Variants in ZFPM2 observed in about 807,000 individuals in gnomAD.
ZFPM2 encodes the protein zinc finger protein, FOG family member 2.
In ZFPM2, 20 loss-of-function variants were observed where a neutral mutation model predicts 98.6. The ratio of observed to expected loss-of-function variants is 0.20; its 90% CI spans 0.14 to 0.29. ZFPM2 has a LOEUF of 0.29. Among genes scored for constraint, ZFPM2 ranks in the 10% least tolerant of loss-of-function variants. ZFPM2 has a pLI of 1.00. For synonymous variants in ZFPM2, 518 were observed against 502.7 expected, an observed-to-expected ratio of 1.03 and a Z score of -0.41; for missense variants, 1,310 against 1,388.6, an observed-to-expected ratio of 0.94 and a Z score of 0.90.
chr8:105,427,870 C>G (rs1811945789), intron 2 of ZFPM2, among the ~76,000 whole-genome samples: 3 of 152,118 alleles, frequency 2.0e-5, no homozygotes, highest in Non-Finnish European at 2.9e-5. Context: ...GTGCCAGTTA[C>G]AATAATTTTA....
chr8:105,545,038 T>A (rs1237919989), intron 3 of ZFPM2, among the ~76,000 whole-genome samples: 1 of 152,176 alleles, frequency 6.6e-6, no homozygotes, highest in Non-Finnish European at 1.5e-5. Context: ...TATTTAGGTT[T>A]AACATCCTTG....
chr8:105,475,029 T>C (rs1443732523), intron 3 of ZFPM2, among the ~76,000 whole-genome samples: 1 of 152,208 alleles, frequency 6.6e-6, no homozygotes, highest in Admixed American at 6.5e-5. Context: ...GTGGATTTAA[T>C]ACAAAGTTCC....
chr8:105,514,293 G>A (rs1586428490), intron 3 of ZFPM2, among the ~76,000 whole-genome samples: 3 of 145,186 alleles, frequency 2.1e-5, no homozygotes, highest in Middle Eastern at 7.6e-3. Flanking sequence ...GTGAGCCACC[G>A]TTCCTGGTCG....
At chr8:105,535,059 A>G (rs1353435999) in intron 3 of ZFPM2, among the ~76,000 whole-genome samples, 3 of 152,178 alleles carry the variant, frequency 2.0e-5, no homozygotes, top group Non-Finnish European at 4.4e-5. Flanking sequence ...ATGTTCAAAT[A>G]AGGTCCTGAA....
intron 5 of ZFPM2, among the ~76,000 whole-genome samples, chr8:105,722,134 C>T (rs533557220): frequency 1.3e-5 from 2 of 151,696 alleles, no homozygotes; most frequent in South Asian, 4.1e-4. Context: ...TAATGGACAG[C>T]TTTGGTCCAG....
chr8:105,635,685 CA>C (rs1028548150), intron 5 of ZFPM2, among the ~76,000 whole-genome samples: 1 of 152,130 alleles, frequency 6.6e-6, no homozygotes, highest in Non-Finnish European at 1.5e-5. Context: ...ATTCAGAATA[CA>C]AAAGATACCT....
rs560477214 is a variant in ZFPM2 at position 105,411,151 on chromosome 8, A to G, written c.41-7993A>G. 1.1e-4 allele frequency among the ~76,000 whole-genome samples: 16 copies of G among 152,018 alleles called. No homozygotes were observed. The South Asian group carries it at 2.9e-3, about 28-fold the overall frequency. The stretch of plus-strand genomic sequence containing the variant: ...TCCAACTTTATTATAATTAACTTCA[A>G]TTGAAAAATCCTTATTTTGGTAAAT... On this transcript the variant is annotated intron_variant, in intron 1 of 7. Coordinates refer to ENST00000407775, the MANE Select transcript of ZFPM2 (RefSeq NM_012082.4).
At chr8:105,743,331 T>C (rs1225899378) in intron 5 of ZFPM2, among the ~76,000 whole-genome samples, 2 of 151,874 alleles carry the variant, frequency 1.3e-5, no homozygotes, top group African/African-American at 2.4e-5. Flanking sequence ...GATCAGACCA[T>C]GGGGGTGAGG....
At chr8:105,663,949 C>T (rs895057515) in intron 5 of ZFPM2, among the ~76,000 whole-genome samples, 2 of 152,120 alleles carry the variant, frequency 1.3e-5, no homozygotes, top group Non-Finnish European at 2.9e-5. Flanking sequence ...TTGAAATTTC[C>T]GATACGTGTC....
At chr8:105,617,836 C>T (rs899149344) in intron 4 of ZFPM2, among the ~76,000 whole-genome samples, 3 of 152,178 alleles carry the variant, frequency 2.0e-5, no homozygotes, top group East Asian at 3.9e-4. Context: ...ATGTTATAAT[C>T]ATCTCTACAG....
At position 105,460,348 on chromosome 8, in the gene ZFPM2, T is replaced by G. The variant is rs76791447; in HGVS notation, c.301+15967T>G. Among the ~76,000 whole-genome samples the G allele has an allele frequency of 6.9e-3, 1,052 of 152,262 alleles. 10 individuals carry two copies. The highest frequency in any genetic ancestry group is 0.022 in the African/African-American group (924 of 41,562). ...TGCTTGAGGCAAAATTGGGGAAGTTTACCCGAAGCTGACAAATGAGGGAAG... is the reference window on the plus strand; with the variant it reads ...TGCTTGAGGCAAAATTGGGGAAGTTGACCCGAAGCTGACAAATGAGGGAAG... On this transcript the variant is annotated intron_variant, in intron 3 of 7. Transcript: ENST00000407775.
At chr8:105,439,729 A>T (rs1812197970) in intron 2 of ZFPM2, among the ~76,000 whole-genome samples, 1 of 152,190 alleles carries the variant, frequency 6.6e-6, no homozygotes, top group African/African-American at 2.4e-5. Context: ...GTGTTTCAAG[A>T]TTCATAAGGA....
intron 1 of ZFPM2, among the ~76,000 whole-genome samples, chr8:105,370,018 A>G (rs1417230959): frequency 1.3e-5 from 2 of 152,158 alleles, no homozygotes; most frequent in Admixed American, 6.6e-5. Context: ...TGGAGGAATA[A>G]TTTATAGTAA....
intron 1 of ZFPM2, among the ~76,000 whole-genome samples, chr8:105,336,989 A>T (rs1812339056): frequency 6.6e-6 from 1 of 151,854 alleles, no homozygotes; most frequent in Non-Finnish European, 1.5e-5. Flanking sequence ...GAGTTAATAC[A>T]TAAAATTCCT....
intron 3 of ZFPM2, among the ~76,000 whole-genome samples, chr8:105,552,938 T>C (rs1042576657): frequency 1.3e-5 from 2 of 151,282 alleles, no homozygotes; most frequent in African/African-American, 4.9e-5. Flanking sequence ...GCCTCCTGAG[T>C]AGCTGGGACT....
chr8:105,522,600 T>A (rs1417786790), intron 3 of ZFPM2, among the ~76,000 whole-genome samples: 1 of 152,082 alleles, frequency 6.6e-6, no homozygotes, highest in African/African-American at 2.4e-5. Flanking sequence ...TGAAACCCTG[T>A]CTCTACTAAA....
chr8:105,350,423 A>C (rs1038663243), intron 1 of ZFPM2, among the ~76,000 whole-genome samples: 1 of 152,224 alleles, frequency 6.6e-6, no homozygotes, highest in African/African-American at 2.4e-5. Flanking sequence ...AAGGTTATGA[A>C]ATACTTGATT....
At chr8:105,767,336 T>G (rs1812876843) in intron 5 of ZFPM2, among the ~76,000 whole-genome samples, 1 of 151,850 alleles carries the variant, frequency 6.6e-6, no homozygotes, top group South Asian at 2.1e-4. Flanking sequence ...GAGAATGCCA[T>G]TGTAGAATTT....
chr8:105,406,642 T>C (rs1378297619), intron 1 of ZFPM2, among the ~76,000 whole-genome samples: 1 of 151,978 alleles, frequency 6.6e-6, no homozygotes, highest in Non-Finnish European at 1.5e-5. Context: ...TGTGTCCCAA[T>C]GTGGGATCTG....
Sources: gnomAD v4.1 joint callset for allele counts (sites outside exome capture counted in the v4.1 genomes callset) on GRCh38, gnomAD v4.1.1 for gene constraint, MANE v1.5 for transcripts, NCBI Gene and HGNC (gene_info 2026-07-23, HGNC 2026-07-21) for gene names.